The following COL22A1 variants were observed in gnomAD, a reference collection of about 807,000 sequenced individuals.
The protein encoded by COL22A1 is collagen alpha-1(XXII) chain.
A neutral mutation model predicts 248.9 loss-of-function variants in COL22A1; 221 were observed. The observed-to-expected ratio is 0.89, with a 90% CI of 0.80 to 0.99. The LOEUF is 0.99. COL22A1 is among the 50% of genes least tolerant of loss of function. The probability of loss-of-function intolerance (pLI) is 0.00; values close to 1 mark genes in which losing one functional copy is unlikely to be tolerated. For missense variants in COL22A1, 2,240 were observed against 2,179.0 expected, an observed-to-expected ratio of 1.03 and a Z score of -0.56; for synonymous variants, 891 against 793.4, an observed-to-expected ratio of 1.12 and a Z score of -2.07.
intron 47 of COL22A1, among the ~76,000 whole-genome samples, chr8:138,637,485 A>G (rs1300578774): frequency 6.6e-6 from 1 of 152,246 alleles, no homozygotes; most frequent in Non-Finnish European, 1.5e-5. Context: ...CAAGAAAACA[A>G]TGATGCCTAC....
chr8:138,613,242 C>T (rs537410861), intron 56 of COL22A1, among the ~76,000 whole-genome samples: 2 of 108,034 alleles, frequency 1.9e-5, no homozygotes, highest in East Asian at 2.9e-4. Flanking sequence ...AGCGAGACTC[C>T]GTTTCAAAAA....
chr8:138,618,078 G>A (rs1249222395), intron 53 of COL22A1, among the ~76,000 whole-genome samples: 1 of 152,194 alleles, frequency 6.6e-6, no homozygotes. Flanking sequence ...AACTGAGAGA[G>A]TGCCTGTCAG....
intron 1 of COL22A1, among the ~76,000 whole-genome samples, chr8:138,904,733 C>G (rs181824782): frequency 1.4e-4 from 21 of 152,274 alleles, no homozygotes; most frequent in African/African-American, 4.8e-4. Flanking sequence ...TTATTTTGAG[C>G]AGCGTCTGGT....
chr8:138,617,038 C>G lies in COL22A1; in HGVS notation c.3826-80G>C. On this transcript the variant is annotated intron_variant, in intron 53 of 64. Coordinates refer to ENST00000303045, the MANE Select transcript of COL22A1 (RefSeq NM_152888.3). The stretch of plus-strand genomic sequence containing the variant: ...GTGGGCAGGCATACCTCCCTGCCGG[C>G]TTTGACCCACGTTGCCCCCGCTCAT... The G allele has an allele frequency of 1.3e-6, 2 of 1,484,294 alleles. 1 individual carries two copies. Among genetic ancestry groups the G allele is most frequent in the South Asian group, 2.3e-5 (2 of 88,380 alleles). The allele number at this position is 1,484,294 out of a possible 1,614,324, so 91.9% of individuals were successfully genotyped here. A position where few individuals can be genotyped will look rare whatever the true frequency, so the allele number is the denominator to read the frequency against.
At chr8:138,787,571 A>G (rs1787894896) in intron 12 of COL22A1, among the ~76,000 whole-genome samples, 1 of 152,334 alleles carries the variant, frequency 6.6e-6, no homozygotes, top group Admixed American at 6.5e-5. Flanking sequence ...TTTTGGGTAA[A>G]TTACCCAAGC....
intron 44 of COL22A1, 127 bp downstream of exon 44, chr8:138,660,309 T>C (rs969460961): frequency 2.7e-6 from 2 of 752,734 alleles, no homozygotes; most frequent in South Asian, 1.6e-5. Context: ...CATATTAGTT[T>C]CCTCTGCCCA....
chr8:138,746,011 C>CA (rs1832073302), intron 22 of COL22A1, among the ~76,000 whole-genome samples: 4 of 152,234 alleles, frequency 2.6e-5, no homozygotes, highest in Non-Finnish European at 4.4e-5. Flanking sequence ...AGCAGGCAGG[C>CA]GGGCAGGTGG....
intron 42 of COL22A1, among the ~76,000 whole-genome samples, chr8:138,663,036 A>ACACAC (rs1554737820): frequency 6.6e-6 from 1 of 151,992 alleles, no homozygotes; most frequent in Admixed American, 6.6e-5. Flanking sequence ...ACACACACAC[A>ACACAC]AAGCAATCCC....
chr8:138,710,455 C>A (rs1828854325), intron 30 of COL22A1, among the ~76,000 whole-genome samples: 1 of 152,172 alleles, frequency 6.6e-6, no homozygotes. Context: ...CCTTAGTCAA[C>A]AACAATAATA....
intron 52 of COL22A1, among the ~76,000 whole-genome samples, chr8:138,623,011 G>A (rs1333280995): frequency 6.6e-6 from 1 of 151,596 alleles, no homozygotes; most frequent in African/African-American, 2.4e-5. Flanking sequence ...TGATCCGTAG[G>A]CAAGAAGGAC....
intron 3 of COL22A1, among the ~76,000 whole-genome samples, chr8:138,867,295 A>G (rs541365646): frequency 2.0e-5 from 3 of 152,312 alleles, no homozygotes; most frequent in African/African-American, 4.8e-5. Flanking sequence ...GGAATGGACC[A>G]GTTCCCCATG....
rs775611424 is a variant in COL22A1 at position 138,594,122 on chromosome 8, G to A, written c.4510C>T (p.Pro1504Ser). The A allele has an allele frequency of 3.7e-5, 59 of 1,577,768 alleles. No individual in the cohort carries two copies. Among genetic ancestry groups the A allele is most frequent in the Non-Finnish European group, 4.9e-5 (57 of 1,168,924 alleles). Reference sequence around the variant, plus strand: ...CCTGGAAGCCCATCTTTTCCAGGGGGCCCTGGGGGCCCAGGTCTGCCTTGA... The same window carrying A: ...CCTGGAAGCCCATCTTTTCCAGGGGACCCTGGGGGCCCAGGTCTGCCTTGA... Reference protein sequence around the residue: ...SSQGRPGPPGPPGKDGLPGRA... With the variant: ...SSQGRPGPPGSPGKDGLPGRA... Residue 1504 changes from proline to serine, a missense_variant, in exon 63 of 65, where the codon CCC becomes TCC. Physicochemically the swap from Pro to Ser is moderately conservative, Grantham distance 74. Transcript: ENST00000303045.
At chr8:138,699,968 A>AAGCCCAGC in intron 32 of COL22A1, 144 bp downstream of exon 32, 1 of 773,740 alleles carries the variant, frequency 1.3e-6, no homozygotes. Context: ...TTTTCAGGAC[A>AAGCCCAGC]AGCCCAGCAG....
At chr8:138,805,253 G>A (rs1460939826) in intron 10 of COL22A1, among the ~76,000 whole-genome samples, 1 of 131,800 alleles carries the variant, frequency 7.6e-6, no homozygotes, top group Non-Finnish European at 1.6e-5. Context: ...GGTGTCTGAT[G>A]ATGTGAGCAT....
intron 23 of COL22A1, among the ~76,000 whole-genome samples, chr8:138,729,089 A>G (rs1036343222): frequency 3.3e-5 from 5 of 152,184 alleles, no homozygotes; most frequent in African/African-American, 1.2e-4. Context: ...ACACCAGCTC[A>G]TTCCAGCCCT....
intron 22 of COL22A1, among the ~76,000 whole-genome samples, chr8:138,744,835 T>C (rs1225610792): frequency 6.6e-6 from 1 of 152,224 alleles, no homozygotes; most frequent in Non-Finnish European, 1.5e-5. Flanking sequence ...AAATGCATTC[T>C]TAAAGTAAAT....
chr8:138,620,375 G>A (rs1297531324), intron 52 of COL22A1: 2 of 151,886 alleles, frequency 1.3e-5, no homozygotes, highest in African/African-American at 4.8e-5. Context: ...CCATTATTGG[G>A]GAGTGGGGAG....
chr8:138,615,223 C>A (rs754664111), intron 55 of COL22A1, among the ~76,000 whole-genome samples: 4 of 152,192 alleles, frequency 2.6e-5, no homozygotes, highest in South Asian at 2.1e-4. Context: ...CATTTGTACA[C>A]CTGGGGTCAA....
intron 36 of COL22A1, 108 bp from the exon 37 acceptor site, chr8:138,689,078 T>C (rs754419646): frequency 1.9e-5 from 16 of 842,980 alleles, no homozygotes; most frequent in Non-Finnish European, 2.7e-5. Flanking sequence ...AGTCAACGAC[T>C]ACAGCTCCCA....
Sources: gnomAD v4.1 joint callset for allele counts (sites outside exome capture counted in the v4.1 genomes callset) on GRCh38, gnomAD v4.1.1 for gene constraint, MANE v1.5 for transcripts, NCBI Gene and HGNC (gene_info 2026-07-23, HGNC 2026-07-21) for gene names.